Variants in ZNF804B observed in about 807,000 individuals in gnomAD.
ZNF804B encodes the protein zinc finger 804B.
ZNF804B carries 80 observed loss-of-function variants against 101.4 expected under a neutral mutation model. The observed-to-expected ratio is 0.79, with a 90% CI of 0.66 to 0.95. The LOEUF is 0.95. ZNF804B is among the 40% of genes least tolerant of loss of function. The pLI is 0.00. For synonymous variants in ZNF804B, 622 were observed against 558.8 expected, an observed-to-expected ratio of 1.11 and a Z score of -1.59; for missense variants, 1,673 against 1,561.9, an observed-to-expected ratio of 1.07 and a Z score of -1.20.
intron 1 of ZNF804B, among the ~76,000 whole-genome samples, chr7:88,809,170 C>CT (rs1356266181): frequency 6.6e-6 from 1 of 152,088 alleles, no homozygotes; most frequent in Non-Finnish European, 1.5e-5. Flanking sequence ...AACAGGTTAG[C>CT]TTTTTAATTC....
chr7:89,080,794 G>A (rs1789685700), intron 1 of ZNF804B, among the ~76,000 whole-genome samples: 4 of 151,910 alleles, frequency 2.6e-5, no homozygotes, highest in Admixed American at 2.6e-4. Flanking sequence ...AGTGCATTTT[G>A]TAGCAAGTTA....
At chr7:88,803,869 A>G in intron 1 of ZNF804B, among the ~76,000 whole-genome samples, 1 of 151,494 alleles carries the variant, frequency 6.6e-6, no homozygotes, top group East Asian at 1.9e-4. Context: ...GAAAGGAAAG[A>G]AGAAGGTGGA....
chr7:88,948,305 CATT>C (rs1289658095), intron 1 of ZNF804B, among the ~76,000 whole-genome samples: 24 of 116,580 alleles, frequency 2.1e-4, no homozygotes, highest in Admixed American at 1.6e-3. Context: ...GCCACCCATC[CATT>C]TTTTTTTTTT....
chr7:88,789,179 A>G (rs1197079045), intron 1 of ZNF804B, among the ~76,000 whole-genome samples: 1 of 152,120 alleles, frequency 6.6e-6, no homozygotes, highest in Non-Finnish European at 1.5e-5. Flanking sequence ...AATGGTAATA[A>G]GAACTAGTTT....
intron 1 of ZNF804B, among the ~76,000 whole-genome samples, chr7:89,170,723 A>G (rs142311020): frequency 3.5e-4 from 53 of 152,314 alleles, no homozygotes; most frequent in Non-Finnish European, 5.6e-4. Flanking sequence ...AAAAAGTCAC[A>G]TAATCCCCAT....
rs80251963 is a variant in ZNF804B at position 89,106,422 on chromosome 7, T to C, written c.109-111733T>C. Among the ~76,000 whole-genome samples, 111 of 152,256 alleles carry C rather than the reference T, an allele frequency of 7.3e-4. 2 individuals carry two copies. The East Asian group carries it at 0.017, about 23-fold the overall frequency. On this transcript the variant is annotated intron_variant, in intron 1 of 3. Coordinates refer to ENST00000333190, the MANE Select transcript of ZNF804B (RefSeq NM_181646.5). Reference sequence around the variant, plus strand: ...ACTTCTAGTATTATGTGCTAGATCCTCTGTGTTTTAAACTGGGTGATATAG... The same window carrying C: ...ACTTCTAGTATTATGTGCTAGATCCCCTGTGTTTTAAACTGGGTGATATAG...
chr7:89,235,058 A>G (rs1789259589), intron 2 of ZNF804B, among the ~76,000 whole-genome samples: 1 of 152,288 alleles, frequency 6.6e-6, no homozygotes, highest in South Asian at 2.1e-4. Context: ...ATACTTCTAT[A>G]GTAAAAATAT....
intron 2 of ZNF804B, among the ~76,000 whole-genome samples, chr7:89,321,489 A>G (rs1015091456): frequency 5.3e-5 from 8 of 152,110 alleles, no homozygotes; most frequent in African/African-American, 1.9e-4. Context: ...AAAAAATAAT[A>G]ATAATAATAA....
intron 1 of ZNF804B, among the ~76,000 whole-genome samples, chr7:88,760,905 T>C (rs892320819): frequency 6.8e-6 from 1 of 146,780 alleles, no homozygotes; most frequent in Non-Finnish European, 1.5e-5. Context: ...ATAATAAATA[T>C]ATATATAATA....
intron 2 of ZNF804B, among the ~76,000 whole-genome samples, chr7:89,326,370 G>T (rs1584126709): frequency 6.6e-6 from 1 of 152,092 alleles, no homozygotes; most frequent in African/African-American, 2.4e-5. Flanking sequence ...AAAGGTTTTG[G>T]CCCTTGCTCT....
chr7:88,927,280 A>G (rs1300524919), intron 1 of ZNF804B, among the ~76,000 whole-genome samples: 4 of 152,200 alleles, frequency 2.6e-5, no homozygotes, highest in Admixed American at 2.6e-4. Flanking sequence ...ATGTTTTTCA[A>G]AAGTGCTTCA....
chr7:89,235,754 C>A (rs1384748491), intron 2 of ZNF804B, among the ~76,000 whole-genome samples: 2 of 148,618 alleles, frequency 1.3e-5, no homozygotes, highest in Admixed American at 6.7e-5. Context: ...TTAATTTAGG[C>A]CCCAATTTTT....
chr7:89,134,381 C>T (rs1286607771), intron 1 of ZNF804B, among the ~76,000 whole-genome samples: 1 of 151,996 alleles, frequency 6.6e-6, no homozygotes, highest in Non-Finnish European at 1.5e-5. Context: ...TTTCTGCTAT[C>T]TCAGTGAGGC....
intron 2 of ZNF804B, among the ~76,000 whole-genome samples, chr7:89,220,196 T>G: frequency 8.5e-6 from 1 of 117,354 alleles, no homozygotes; most frequent in Non-Finnish European, 1.9e-5. Flanking sequence ...TATATATCCT[T>G]GGGAAATGCC....
intron 1 of ZNF804B, among the ~76,000 whole-genome samples, chr7:88,930,746 T>G (rs1304217443): frequency 6.6e-6 from 1 of 151,864 alleles, no homozygotes; most frequent in South Asian, 2.1e-4. Flanking sequence ...AGGAAAACTT[T>G]TGATGGCATT....
chr7:89,001,551 T>C (rs1788289053), intron 1 of ZNF804B, among the ~76,000 whole-genome samples: 1 of 151,858 alleles, frequency 6.6e-6, no homozygotes, highest in Non-Finnish European at 1.5e-5. Flanking sequence ...CAGCAGTCTT[T>C]TGAAAACACA....
chr7:88,921,796 G>A (rs1792723462), intron 1 of ZNF804B, among the ~76,000 whole-genome samples: 2 of 152,026 alleles, frequency 1.3e-5, no homozygotes, highest in South Asian at 2.1e-4. Flanking sequence ...TATATGTTTA[G>A]GAATAAACAT....
At chr7:89,147,483 A>T (rs1283175659) in intron 1 of ZNF804B, among the ~76,000 whole-genome samples, 2 of 152,114 alleles carry the variant, frequency 1.3e-5, no homozygotes, top group African/African-American at 4.8e-5. Context: ...TCATTGTTTT[A>T]AATTATTGAA....
At chr7:88,841,791 A>G (rs1340612452) in intron 1 of ZNF804B, among the ~76,000 whole-genome samples, 1 of 152,188 alleles carries the variant, frequency 6.6e-6, no homozygotes, top group African/African-American at 2.4e-5. Flanking sequence ...CATAATAAAC[A>G]TTATAAGCGT....
Sources: allele counts gnomAD v4.1 joint callset (sites outside exome capture counted in the v4.1 genomes callset), GRCh38; gene constraint gnomAD v4.1.1; transcripts MANE v1.5; gene names NCBI Gene and HGNC (gene_info 2026-07-23, HGNC 2026-07-21).